Variants in VPS13A observed in about 807,000 individuals in gnomAD.
VPS13A encodes vacuolar protein sorting 13 homolog A.
VPS13A carries 264 observed loss-of-function variants against 390.9 expected under a neutral mutation model. That is an observed-to-expected ratio of 0.68 (90% confidence interval 0.61 to 0.75). The LOEUF (loss-of-function observed/expected upper bound fraction) is 0.75. Ranked by LOEUF, VPS13A falls within the 30% of genes least tolerant of loss-of-function variation. The pLI, the probability that VPS13A is intolerant of heterozygous loss-of-function variation, is 0.00. For missense variants in VPS13A, 3,409 were observed against 3,733.9 expected (o/e 0.91, Z 2.27); for synonymous variants, 1,231 against 1,227.1 (o/e 1.00, Z -0.07).
intron 31 of VPS13A, among the ~76,000 whole-genome samples, chr9:77,291,077 G>C (rs1472949818): frequency 1.3e-5 from 2 of 152,182 alleles, no homozygotes; most frequent in Non-Finnish European, 2.9e-5. Flanking sequence ...TCTGTGACCT[G>C]TTAGGAACTG....
intron 3 of VPS13A, among the ~76,000 whole-genome samples, chr9:77,202,289 A>T (rs1309059881): frequency 6.6e-6 from 1 of 152,092 alleles, no homozygotes; most frequent in Non-Finnish European, 1.5e-5. Context: ...TTACTGTAAG[A>T]GGGGGAGAAT....
chr9:77,218,778 C>T (rs1456467589), intron 10 of VPS13A, among the ~76,000 whole-genome samples: 1 of 151,702 alleles, frequency 6.6e-6, no homozygotes, highest in Non-Finnish European at 1.5e-5. Context: ...ATCTTTGGCT[C>T]ACTGGCTATA....
intron 35 of VPS13A, among the ~76,000 whole-genome samples, chr9:77,309,428 A>G (rs1394366230): frequency 1.3e-5 from 2 of 152,192 alleles, no homozygotes; most frequent in East Asian, 3.8e-4. Flanking sequence ...CTCTCCTTTT[A>G]TCTGCAGGGA....
intron 67 of VPS13A, among the ~76,000 whole-genome samples, chr9:77,378,859 A>G (rs796168456): frequency 3.6e-4 from 54 of 151,984 alleles, no homozygotes; most frequent in African/African-American, 1.3e-3. Context: ...TCTTTGCTGC[A>G]TCTTATAAGT....
intron 45 of VPS13A, among the ~76,000 whole-genome samples, chr9:77,328,024 A>T (rs1830101534): frequency 6.6e-6 from 1 of 152,206 alleles, no homozygotes; most frequent in African/African-American, 2.4e-5. Flanking sequence ...GCCTTAAAAA[A>T]TGTATTTCTT....
In VPS13A at chr9:77,308,094, A is replaced by G. The variant is rs1347772644; in HGVS notation, c.4110A>G (p.Ser1370=). Residue 1370 remains serine (S), a synonymous_variant, in exon 35 of 72, where the codon TCA becomes TCG. Coordinates refer to ENST00000360280, the MANE Select transcript of VPS13A (RefSeq NM_033305.3). Reference sequence around the variant, plus strand: ...TTACTACTAATGCTTCACACCATTCAGGAGGTATGTTTTTAACTTCAAATT... The same window carrying G: ...TTACTACTAATGCTTCACACCATTCGGGAGGTATGTTTTTAACTTCAAATT... ...SGVTTNASHH[S]GGATVVTAAV... The G allele has an allele frequency of 3.1e-6, 5 of 1,613,896 alleles. No individual in the cohort carries two copies. In the Admixed American group the frequency reaches 5.0e-5, roughly 16 times the overall value.
At chr9:77,351,295 C>G (rs371543517) in intron 52 of VPS13A, 22 bp from the exon 53 acceptor site, 1 of 1,610,870 alleles carries the variant, frequency 6.2e-7, no homozygotes, top group Non-Finnish European at 8.5e-7. Flanking sequence ...TAATTTAACG[C>G]GTATTTTTGC....
At chr9:77,412,506 G>T (rs545703056) in intron 71 of VPS13A, among the ~76,000 whole-genome samples, 26 of 152,202 alleles carry the variant, frequency 1.7e-4, no homozygotes, top group South Asian at 1.2e-3. Flanking sequence ...TATGATTATC[G>T]CAATACATGC....
Position 77,321,757 on chromosome 9 carries a change from G to T in VPS13A, c.5830+11G>T. On this transcript the variant is annotated intron_variant, in intron 44 of 71. Transcript: ENST00000360280. ...TCTTCATTCTTCTTAGTAAGTAGTTGAAAAATTACCTTCCTGGGGCTATTT... is the reference window on the plus strand; with the variant it reads ...TCTTCATTCTTCTTAGTAAGTAGTTTAAAAATTACCTTCCTGGGGCTATTT... 6.2e-7 allele frequency: 1 copy of T among 1,612,722 alleles called. No individual in the cohort carries two copies. The highest frequency in any genetic ancestry group is 1.1e-5 in the South Asian group (1 of 90,906).
rs572761766 is a variant in VPS13A, at chr9:77,339,621, A to G, written c.6484A>G (p.Asn2162Asp). The G allele has an allele frequency of 6.2e-7, 1 of 1,613,362 alleles. No individual in the cohort carries two copies. The highest frequency in any genetic ancestry group is 2.2e-5 in the East Asian group (1 of 44,848). ...RLHLKLLDYL[N>D]HDWKSEYHIK... Reference sequence around the variant, plus strand: ...ACATTTAAAATTACTTGACTATCTCAATCACGATTGGAAAAGTGAATATCA... The same window carrying G: ...ACATTTAAAATTACTTGACTATCTCGATCACGATTGGAAAAGTGAATATCA... The change falls in exon 48 of 72, where the codon AAT becomes GAT. Residue 2162 changes from asparagine to aspartate, a missense_variant. This residue lies in a region of VPS13A where 2,717 missense variants were observed against 2,917.4 expected (regional missense o/e 0.93). Coordinates refer to ENST00000360280, the MANE Select transcript of VPS13A (RefSeq NM_033305.3).
intron 70 of VPS13A, among the ~76,000 whole-genome samples, chr9:77,407,188 T>A (rs928200160): frequency 2.6e-5 from 4 of 152,226 alleles, no homozygotes; most frequent in African/African-American, 9.6e-5. Flanking sequence ...TATGGCCAGA[T>A]AACAACTGTG....
chr9:77,196,493 A>G (rs151013502), intron 1 of VPS13A, among the ~76,000 whole-genome samples: 148 of 152,242 alleles, frequency 9.7e-4, no homozygotes, highest in Admixed American at 2.1e-3. Context: ...TCTCGCCAGT[A>G]TTCCCCAGCC....
chr9:77,209,315 A>G, intron 5 of VPS13A, 108 bp from the exon 6 acceptor site: 6 of 742,826 alleles, frequency 8.1e-6, no homozygotes, highest in Non-Finnish European at 1.4e-5. Context: ...CTATTTACAT[A>G]TATATGTATA....
rs915420777 is a variant in VPS13A at position 77,283,587 on chromosome 9, A to T, written c.3276A>T (p.Glu1092Asp). Residue 1092 changes from glutamate to aspartate, a missense_variant, in exon 31 of 72, where the codon GAA becomes GAT. This residue lies in a region of VPS13A where 2,717 missense variants were observed against 2,917.4 expected (regional missense o/e 0.93). Transcript: ENST00000360280. ...SEMIMRPSET[E>D]INAKLRNIIV... is the part of the protein sequence containing the mutation. Reference sequence around the variant, plus strand: ...TGATTATGAGGCCTTCAGAAACTGAAATAAACGCAAAGCTAAGGAATATAA... The same window carrying T: ...TGATTATGAGGCCTTCAGAAACTGATATAAACGCAAAGCTAAGGAATATAA... 1.2e-6 allele frequency: 2 copies of T among 1,613,520 alleles called. No homozygotes were observed. Among genetic ancestry groups the T allele is most frequent in the Admixed American group, 3.3e-5 (2 of 60,014 alleles).
chr9:77,361,591 A>G (rs1409063347), intron 59 of VPS13A, among the ~76,000 whole-genome samples: 1 of 152,078 alleles, frequency 6.6e-6, no homozygotes, highest in Non-Finnish European at 1.5e-5. Context: ...AAAGTCTTAA[A>G]CTATTTAAAC....
chr9:77,214,858 G>GA (rs143916026), intron 10 of VPS13A, among the ~76,000 whole-genome samples: 8,329 of 152,196 alleles, frequency 0.055, 341 homozygotes, highest in Middle Eastern at 0.12. Context: ...AAAACAGAAA[G>GA]AAAAAAATCA....
Position 77,225,446 on chromosome 9 carries a change from G to T in VPS13A, c.1162-480G>T, listed in dbSNP as rs138566057. Among the ~76,000 whole-genome samples the T allele has an allele frequency of 4.2e-3, 639 of 152,186 alleles. 4 individuals carry two copies. The highest frequency in any genetic ancestry group is 0.014 in the African/African-American group (563 of 41,534). On this transcript the variant is annotated intron_variant, in intron 13 of 71. Transcript: ENST00000360280. Reference sequence around the variant, plus strand: ...GTATATGTTTTGTAGAGGTTTTGCAGTGTTGCCCAGGCTGGTCTGGAACTC... The same window carrying T: ...GTATATGTTTTGTAGAGGTTTTGCATTGTTGCCCAGGCTGGTCTGGAACTC...
At chr9:77,361,388 G>A (rs1422067641) in intron 59 of VPS13A, among the ~76,000 whole-genome samples, 2 of 152,102 alleles carry the variant, frequency 1.3e-5, no homozygotes, top group Non-Finnish European at 2.9e-5. Flanking sequence ...CTTTCAAGGT[G>A]CATCTATGTT....
At chr9:77,342,624 G>A (rs970689670) in intron 50 of VPS13A, among the ~76,000 whole-genome samples, 2 of 151,976 alleles carry the variant, frequency 1.3e-5, no homozygotes, top group Non-Finnish European at 2.9e-5. Context: ...AATTACTTTT[G>A]GGCTATGTGT....
Sources: gnomAD v4.1 joint callset for allele counts (sites outside exome capture counted in the v4.1 genomes callset) on GRCh38, gnomAD v4.1.1 for gene constraint, gnomAD v4.1.1 regional missense constraint, MANE v1.5 for transcripts, NCBI Gene and HGNC (gene_info 2026-07-23, HGNC 2026-07-21) for gene names.